BEND2: variants seen among roughly 807,000 people sequenced by gnomAD.
BEND2 encodes the protein BEN domain-containing protein 2.
BEND2 carries 19 observed loss-of-function variants against 43.8 expected under a neutral mutation model. The ratio of observed to expected loss-of-function variants is 0.43; its 90% CI spans 0.30 to 0.64. The LOEUF (loss-of-function observed/expected upper bound fraction) is 0.64, where lower values mean the gene tolerates loss of function less well. Among genes scored for constraint, BEND2 ranks in the 30% least tolerant of loss-of-function variants. BEND2 has a pLI of 0.11. For synonymous variants in BEND2, 226 were observed against 210.1 expected (o/e 1.08, Z -0.66); for missense variants, 544 against 574.0 (o/e 0.95, Z 0.53).
At chrX:18,177,881 A>G (rs1924233327) in intron 9 of BEND2, 112 bp from the exon 10 acceptor site, 2 of 659,145 alleles carry the variant, frequency 3.0e-6, no homozygotes, top group East Asian at 6.7e-5. Flanking sequence ...CAAATAAGGC[A>G]AATGCAGATA....
Position 18,216,580 on chromosome X carries a change from G to A in BEND2, c.179C>T (p.Thr60Ile), listed in dbSNP as rs752439751. 2.5e-6 allele frequency: 3 copies of A among 1,209,244 alleles called. No individual in the cohort carries two copies. Among genetic ancestry groups the A allele is most frequent in the Middle Eastern group, 2.3e-4 (1 of 4,348 alleles). ...TADNPTDDTA[T>I]QPNFPGGNDG... ...ATTGCCGCCTGGAAAATTTGGTTGT[G>A]TGGCTGTGTCATCAGTGGGATTATC... The change falls in exon 2 of 14, where the codon ACA becomes ATA. Residue 60 changes from threonine to isoleucine, a missense_variant. Physicochemically the swap from Thr to Ile is moderately conservative, Grantham distance 89. This residue lies in a region of BEND2 where 501 missense variants were observed against 501.6 expected (regional missense o/e 1.00). Coordinates refer to ENST00000380033, the MANE Select transcript of BEND2 (RefSeq NM_153346.5).
intron 4 of BEND2, among the ~76,000 whole-genome samples, chrX:18,204,860 T>C (rs921182543): frequency 8.9e-6 from 1 of 111,879 alleles, no homozygotes; most frequent in African/African-American, 3.2e-5. Flanking sequence ...TCCTCAAATC[T>C]GCTAAAAGAC....
rs1326003710 is a variant in BEND2, at chrX:18,180,610, G to A, written c.1329C>T (p.Asn443=). ...PLNILVKVDT[N]TENSVNTMNR... ...TCATTGTGTTGACGCTGTTTTCCGT[G>A]TTGGTGTCTACTTTTACCAAAATAT... The change falls in exon 9 of 14, where the codon AAC becomes AAT. Residue 443 remains asparagine (N), a synonymous_variant. Transcript: ENST00000380033. The A allele has an allele frequency of 8.3e-7, 1 of 1,210,627 alleles. No individual in the cohort carries two copies. Among genetic ancestry groups the A allele is most frequent in the Non-Finnish European group, 1.1e-6 (1 of 894,597 alleles).
chrX:18,210,552 A>AC, intron 4 of BEND2, among the ~76,000 whole-genome samples: 1 of 112,195 alleles, frequency 8.9e-6, no homozygotes, highest in Admixed American at 9.5e-5. Context: ...CATCAAGCTT[A>AC]ACCATTTATA....
At chrX:18,211,304 T>C (rs7878022) in intron 4 of BEND2, among the ~76,000 whole-genome samples, 2,485 of 112,045 alleles carry the variant, frequency 0.022, 65 homozygotes, top group African/African-American at 0.075. Flanking sequence ...TAAAACAGTA[T>C]GACCACTTAG....
intron 10 of BEND2, among the ~76,000 whole-genome samples, chrX:18,177,112 T>C (rs1283426081): frequency 9.1e-6 from 1 of 110,361 alleles, no homozygotes; most frequent in Non-Finnish European, 1.9e-5. Context: ...AGGATCTCAA[T>C]AGACATGTCT....
intron 6 of BEND2, among the ~76,000 whole-genome samples, chrX:18,197,752 T>C (rs1166778124): frequency 1.8e-5 from 2 of 111,698 alleles, no homozygotes; most frequent in African/African-American, 3.3e-5. Flanking sequence ...CCTTGAGTAA[T>C]GATATGGTTT....
rs948116182 is a variant in BEND2, at chrX:18,180,339, A to G, written c.1429+171T>C. 5.3e-5 allele frequency among the ~76,000 whole-genome samples: 6 copies of G among 112,834 alleles called. No homozygotes were observed. The Admixed American group carries it at 5.6e-4, about 11-fold the overall frequency. ...AGAAGAGGCATGTTAATTGTTTAGC[A>G]CAGTGCCTTGCACGTAATATGCACT... On this transcript the variant is annotated intron_variant, in intron 9 of 13. Transcript: ENST00000380033.
chrX:18,191,815 G>A (rs191494149), intron 7 of BEND2, among the ~76,000 whole-genome samples: 1 of 111,704 alleles, frequency 9.0e-6, no homozygotes, highest in East Asian at 2.8e-4. Context: ...AGTAAAACTG[G>A]GGACATCTCA....
rs989659623 is a variant in BEND2, at chrX:18,210,320, A to G, written c.492+2245T>C. Reference sequence around the variant, plus strand: ...TAATGATACTTCCACCTTCTTCACAATCAAGTATTCATGTTATTGTCTAAG... The same window carrying G: ...TAATGATACTTCCACCTTCTTCACAGTCAAGTATTCATGTTATTGTCTAAG... On this transcript the variant is annotated intron_variant, in intron 4 of 13. Transcript: ENST00000380033. Among the ~76,000 whole-genome samples, 8 of 111,971 alleles carry G rather than the reference A, an allele frequency of 7.1e-5. No homozygotes were observed. In the East Asian group the frequency reaches 2.2e-3, roughly 31 times the overall value.
intron 12 of BEND2, among the ~76,000 whole-genome samples, chrX:18,172,797 A>C (rs1160145464): frequency 9.0e-6 from 1 of 111,533 alleles, no homozygotes; most frequent in Non-Finnish European, 1.9e-5. Context: ...GCAAAAAGAA[A>C]CAAAGTGGGA....
At chrX:18,187,748 T>C (rs181831331) in intron 8 of BEND2, among the ~76,000 whole-genome samples, 182 of 112,191 alleles carry the variant, frequency 1.6e-3, no homozygotes, top group African/African-American at 5.7e-3. Flanking sequence ...TTCTCAAGGA[T>C]TGACCATATG....
chrX:18,208,788 A>G (rs1925419842), intron 4 of BEND2, among the ~76,000 whole-genome samples: 1 of 111,543 alleles, frequency 9.0e-6, no homozygotes, highest in Non-Finnish European at 1.9e-5. Context: ...ATATAGATGT[A>G]TGTGTGTGCA....
At chrX:18,177,204 C>G (rs1011698004) in intron 10 of BEND2, among the ~76,000 whole-genome samples, 53 of 93,208 alleles carry the variant, frequency 5.7e-4, no homozygotes, top group African/African-American at 1.8e-3. Context: ...ACTGACAAGT[C>G]TTTTATTCCC....
intron 13 of BEND2, among the ~76,000 whole-genome samples, chrX:18,169,108 G>T (rs1046932757): frequency 2.7e-5 from 3 of 109,297 alleles, no homozygotes; most frequent in Non-Finnish European, 5.7e-5. Context: ...TCACACTACT[G>T]CACTCCAGCC....
At chrX:18,189,423 T>C (rs1388446155) in intron 8 of BEND2, among the ~76,000 whole-genome samples, 1 of 110,621 alleles carries the variant, frequency 9.0e-6, no homozygotes, top group Non-Finnish European at 1.9e-5. Context: ...GTTGGGAGGA[T>C]CTTTTGAGCC....
At position 18,216,720 on chromosome X, in the gene BEND2, T is replaced by G; in HGVS notation, c.39A>C (p.Ile13=). 1 of 1,196,658 alleles carries G rather than the reference T, an allele frequency of 8.4e-7. No homozygotes were observed. The highest frequency in any genetic ancestry group is 1.1e-6 in the Non-Finnish European group (1 of 882,902). Residue 13 remains isoleucine, a synonymous_variant, in exon 2 of 14, where the codon ATA becomes ATC. Coordinates refer to ENST00000380033, the MANE Select transcript of BEND2 (RefSeq NM_153346.5). ...ERTQEQDFVI[I]TVDDSDDNND... is the part of the protein sequence containing the mutation. ...TGTTATCATCACTGTCGTCGACAGT[T>G]ATAATAACAAAATCTAAGAATAAGC... is the stretch of plus-strand genomic sequence containing the variant.
intron 8 of BEND2, 86 bp from the exon 9 acceptor site, chrX:18,180,736 A>C: frequency 1.5e-6 from 1 of 687,514 alleles, no homozygotes; most frequent in Non-Finnish European, 2.2e-6. Context: ...TCTCAGACAA[A>C]AGAAAACTAA....
Position 18,174,214 on chromosome X carries a change from C to T in BEND2, c.1797G>A (p.Ser599=), listed in dbSNP as rs138667428. The T allele has an allele frequency of 1.1e-4, 136 of 1,209,774 alleles. No individual in the cohort carries two copies. Among genetic ancestry groups the T allele is most frequent in the Non-Finnish European group, 1.4e-4 (127 of 895,175 alleles). The change falls in exon 12 of 14, where the codon TCG becomes TCA. Residue 599 remains serine (S), a synonymous_variant. Coordinates refer to ENST00000380033, the MANE Select transcript of BEND2 (RefSeq NM_153346.5). Reference sequence around the variant, plus strand: ...TTTGGTCATTTCTATCTGCAGATGCCGATGCAACACGGTTGGTACGTTTTT... The same window carrying T: ...TTTGGTCATTTCTATCTGCAGATGCTGATGCAACACGGTTGGTACGTTTTT... The part of the protein sequence containing the change: ...KNKKRTNRVA[S]ASADRNDQRG...
Sources: allele counts gnomAD v4.1 joint callset (sites outside exome capture counted in the v4.1 genomes callset), GRCh38; gene constraint gnomAD v4.1.1; regional missense constraint gnomAD v4.1.1; transcripts MANE v1.5; gene names NCBI Gene and HGNC (gene_info 2026-07-23, HGNC 2026-07-21).